The following RASGRP1 variants were observed in gnomAD, a reference collection of about 807,000 sequenced individuals.
RASGRP1 encodes RAS guanyl releasing protein 1.
Under a neutral mutation model 95.1 loss-of-function variants are expected in RASGRP1, and 37 were observed. The observed-to-expected ratio is 0.39, with a 90% CI of 0.30 to 0.51. The LOEUF (loss-of-function observed/expected upper bound fraction) is 0.51, where lower values mean the gene tolerates loss of function less well. Among genes scored for constraint, RASGRP1 ranks in the 20% least tolerant of loss-of-function variants. RASGRP1 has a pLI of 0.80. For missense variants in RASGRP1, 711 were observed against 965.4 expected, an observed-to-expected ratio of 0.74 and a Z score of 3.49; for synonymous variants, 325 against 353.4, an observed-to-expected ratio of 0.92 and a Z score of 0.90.
chr15:38,526,084 C>T (rs1026575742), intron 3 of RASGRP1, among the ~76,000 whole-genome samples: 1 of 152,064 alleles, frequency 6.6e-6, no homozygotes, highest in Non-Finnish European at 1.5e-5. Flanking sequence ...TTGACCACCC[C>T]CCAGAGCAAT....
At chr15:38,526,512 G>T in intron 2 of RASGRP1, 108 bp from the exon 3 acceptor site, 1 of 748,542 alleles carries the variant, frequency 1.3e-6, no homozygotes, top group Non-Finnish European at 2.2e-6. Context: ...CAGGCACAGT[G>T]ATTTTCTTCC....
At chr15:38,516,506 A>T (rs927599479) in intron 5 of RASGRP1, among the ~76,000 whole-genome samples, 156 bp from the exon 6 acceptor site, 5 of 152,062 alleles carry the variant, frequency 3.3e-5, no homozygotes, top group African/African-American at 1.2e-4. Flanking sequence ...AGTTTCTCCA[A>T]ATCAGTTTTT....
intron 2 of RASGRP1, among the ~76,000 whole-genome samples, chr15:38,550,432 A>G (rs1464417717): frequency 6.6e-6 from 1 of 152,274 alleles, no homozygotes; most frequent in South Asian, 2.1e-4. Context: ...TTACAACTGT[A>G]ATCAGCCATA....
chr15:38,500,338 GGTTTTTTTTGTTTT>G (rs1315315101), intron 13 of RASGRP1, among the ~76,000 whole-genome samples, 199 bp from the exon 14 acceptor site: 2 of 146,402 alleles, frequency 1.4e-5, no homozygotes, highest in African/African-American at 5.5e-5. Flanking sequence ...TCAAGAAGCA[GGTTTTTTTTGTTTT>G]GTTTTTTTTG....
At chr15:38,517,881 T>C (rs1891850833) in intron 5 of RASGRP1, among the ~76,000 whole-genome samples, 1 of 152,192 alleles carries the variant, frequency 6.6e-6, no homozygotes, top group African/African-American at 2.4e-5. Flanking sequence ...GACATCCATA[T>C]ATGTTATAAG....
intron 2 of RASGRP1, among the ~76,000 whole-genome samples, chr15:38,530,020 C>G (rs191615578): frequency 6.6e-6 from 1 of 152,248 alleles, no homozygotes; most frequent in East Asian, 1.9e-4. Flanking sequence ...TGTTTTCTGG[C>G]CCCACATAAT....
At position 38,490,838 on chromosome 15, in the gene RASGRP1, G is replaced by A. The variant is rs558197613; in HGVS notation, c.2260-150C>T. The stretch of plus-strand genomic sequence containing the variant: ...CAAGATAGTTATTTTGCCCTGAATA[G>A]AAAATAGCAAGTTAAATATCAAACG... On this transcript the variant is annotated intron_variant, in intron 16 of 16. Coordinates refer to ENST00000310803, the MANE Select transcript of RASGRP1 (RefSeq NM_005739.4). The A allele has an allele frequency of 2.2e-5, 18 of 829,562 alleles. No homozygotes were observed. In the African/African-American group the frequency reaches 2.9e-4, roughly 14 times the overall value. The allele number at this position is 829,562 out of a possible 1,614,324, so 51.4% of individuals were successfully genotyped here.
chr15:38,561,214 T>C (rs546129874), intron 1 of RASGRP1, among the ~76,000 whole-genome samples: 8 of 152,314 alleles, frequency 5.3e-5, no homozygotes, highest in East Asian at 1.9e-4. Context: ...GTTTATTCTA[T>C]GAGTAAGGCA....
At chr15:38,493,179 CTTTTTTT>C (rs71418810) in intron 16 of RASGRP1, among the ~76,000 whole-genome samples, 10 of 104,536 alleles carry the variant, frequency 9.6e-5, no homozygotes, top group African/African-American at 1.5e-4. Context: ...CACGCCGGGC[CTTTTTTT>C]TTTTTTTTTT....
In RASGRP1 at chr15:38,512,771, C is replaced by A; in HGVS notation, c.849+12G>T. On this transcript the variant is annotated intron_variant, in intron 7 of 16. Coordinates refer to ENST00000310803, the MANE Select transcript of RASGRP1 (RefSeq NM_005739.4). ...TATAGCCCAAGCCAAATGTCTTAAA[C>A]CAGTTATTCACCTGAGCCACCTGGA... The A allele has an allele frequency of 6.2e-7, 1 of 1,613,460 alleles. No homozygotes were observed. Among genetic ancestry groups the A allele is most frequent in the Non-Finnish European group, 8.5e-7 (1 of 1,179,588 alleles).
chr15:38,540,884 T>G (rs1467946907), intron 2 of RASGRP1, among the ~76,000 whole-genome samples: 3 of 152,236 alleles, frequency 2.0e-5, no homozygotes, highest in Non-Finnish European at 4.4e-5. Flanking sequence ...TTTTCAGGCC[T>G]AAAAAGGGGC....
At chr15:38,527,740 G>C (rs1394329135) in intron 2 of RASGRP1, among the ~76,000 whole-genome samples, 1 of 152,078 alleles carries the variant, frequency 6.6e-6, no homozygotes, top group Non-Finnish European at 1.5e-5. Context: ...CAGTGCTTTT[G>C]GGCTCAGGAT....
intron 13 of RASGRP1, among the ~76,000 whole-genome samples, 191 bp downstream of exon 13, chr15:38,500,952 G>GA (rs1390803306): frequency 2.0e-5 from 3 of 152,070 alleles, no homozygotes; most frequent in African/African-American, 4.8e-5. Context: ...CAATAGAAAA[G>GA]AAAAAACAGG....
At chr15:38,533,798 G>C (rs1365878447) in intron 2 of RASGRP1, among the ~76,000 whole-genome samples, 4 of 152,346 alleles carry the variant, frequency 2.6e-5, no homozygotes, top group Non-Finnish European at 5.9e-5. Flanking sequence ...CAGGATGCTT[G>C]CAAGAGTTTA....
At chr15:38,532,735 C>A (rs1220821208) in intron 2 of RASGRP1, among the ~76,000 whole-genome samples, 1 of 152,176 alleles carries the variant, frequency 6.6e-6, no homozygotes, top group Non-Finnish European at 1.5e-5. Flanking sequence ...TAATTTTTGA[C>A]ACCACTAACC....
intron 2 of RASGRP1, among the ~76,000 whole-genome samples, chr15:38,537,409 G>A (rs756983504): frequency 6.6e-6 from 1 of 152,160 alleles, no homozygotes; most frequent in Non-Finnish European, 1.5e-5. Context: ...AGGAGCAAGA[G>A]GGAGAGGGAG....
intron 3 of RASGRP1, among the ~76,000 whole-genome samples, chr15:38,525,525 C>A (rs1320555624): frequency 6.6e-6 from 1 of 152,148 alleles, no homozygotes; most frequent in Non-Finnish European, 1.5e-5. Flanking sequence ...GAGGTAAAGA[C>A]TCATGAGTAG....
At chr15:38,502,211 CA>C (rs1891058315) in intron 12 of RASGRP1, 100 bp downstream of exon 12, 1 of 797,836 alleles carries the variant, frequency 1.3e-6, no homozygotes, top group South Asian at 1.8e-5. Context: ...GTGATCACAG[CA>C]GCAACATATC....
intron 2 of RASGRP1, among the ~76,000 whole-genome samples, chr15:38,545,057 T>C (rs1318841766): frequency 1.3e-5 from 2 of 152,232 alleles, no homozygotes; most frequent in African/African-American, 4.8e-5. Context: ...TTAAATTTGT[T>C]TACCCTTTAT....
Sources: allele counts gnomAD v4.1 joint callset (sites outside exome capture counted in the v4.1 genomes callset), GRCh38; gene constraint gnomAD v4.1.1; transcripts MANE v1.5; gene names NCBI Gene and HGNC (gene_info 2026-07-23, HGNC 2026-07-21).